Variants in SGK1 observed in about 807,000 individuals in gnomAD.
SGK1 encodes serine/threonine-protein kinase Sgk1.
SGK1 carries 26 observed loss-of-function variants against 64.2 expected under a neutral mutation model. The ratio of observed to expected loss-of-function variants is 0.40; its 90% confidence interval spans 0.30 to 0.56. The LOEUF (loss-of-function observed/expected upper bound fraction) is 0.56, where lower values mean the gene tolerates loss of function less well. Among genes scored for constraint, SGK1 ranks in the 20% least tolerant of loss-of-function variants. The pLI, the probability that SGK1 is intolerant of heterozygous loss-of-function variation, is 0.38. For missense variants in SGK1, 519 were observed against 645.6 expected, an observed-to-expected ratio of 0.80 and a Z score of 2.12; for synonymous variants, 265 against 239.7, an observed-to-expected ratio of 1.11 and a Z score of -0.98.
intron 2 of SGK1, among the ~76,000 whole-genome samples, chr6:134,219,617 G>A (rs999294880): frequency 6.6e-6 from 1 of 151,806 alleles, no homozygotes; most frequent in Non-Finnish European, 1.5e-5. Flanking sequence ...AAAAATAGCC[G>A]GGCGTAGTGG....
At chr6:134,244,624 C>T (rs1343964281) in intron 2 of SGK1, among the ~76,000 whole-genome samples, 3 of 152,142 alleles carry the variant, frequency 2.0e-5, no homozygotes, top group African/African-American at 7.2e-5. Context: ...CCTGCTTCTG[C>T]TCGCCCTCCA....
chr6:134,175,725 A>G (rs1775215107), intron 3 of SGK1: 1 of 1,380,626 alleles, frequency 7.2e-7, no homozygotes, highest in South Asian at 1.5e-5. Context: ...GTTTCCTTGA[A>G]GGAGCCGCCG....
At chr6:134,195,064 A>AT (rs1401679440) in intron 3 of SGK1, among the ~76,000 whole-genome samples, 2 of 152,136 alleles carry the variant, frequency 1.3e-5, no homozygotes, top group Non-Finnish European at 2.9e-5. Context: ...TTTTCCTTGT[A>AT]TTTTTTAAGT....
rs1254181077 is a variant in SGK1, at chr6:134,236,588, C to T, written c.285+25345G>A. 3.3e-5 allele frequency among the ~76,000 whole-genome samples: 5 copies of T among 152,200 alleles called. No homozygotes were observed. In the East Asian group the frequency reaches 9.6e-4, roughly 29 times the overall value. On this transcript the variant is annotated intron_variant, in intron 2 of 13. Transcript: ENST00000367858. Reference sequence around the variant, plus strand: ...GCTGCAAAGAACAACAATCTCCCCACTGCACTCCAGCCTGGATGACAGACC... The same window carrying T: ...GCTGCAAAGAACAACAATCTCCCCATTGCACTCCAGCCTGGATGACAGACC...
chr6:134,184,188 T>C (rs916846060), intron 3 of SGK1, among the ~76,000 whole-genome samples: 1 of 151,934 alleles, frequency 6.6e-6, no homozygotes, highest in Non-Finnish European at 1.5e-5. Flanking sequence ...CTTCTTGTCA[T>C]TCGGATCTCC....
At chr6:134,217,602 T>C (rs1319795408) in intron 2 of SGK1, among the ~76,000 whole-genome samples, 1 of 152,118 alleles carries the variant, frequency 6.6e-6, no homozygotes, top group African/African-American at 2.4e-5. Flanking sequence ...AACATGCCCA[T>C]AGTTTGCAAA....
intron 2 of SGK1, among the ~76,000 whole-genome samples, chr6:134,244,026 A>C (rs1030320534): frequency 6.6e-6 from 1 of 152,112 alleles, no homozygotes; most frequent in African/African-American, 2.4e-5. Context: ...TGTGCAGAAC[A>C]TGCAGGTTTG....
chr6:134,244,033 T>G (rs1484247182), intron 2 of SGK1, among the ~76,000 whole-genome samples: 1 of 152,108 alleles, frequency 6.6e-6, no homozygotes, highest in African/African-American at 2.4e-5. Context: ...AACATGCAGG[T>G]TTGTTACACA....
At chr6:134,240,080 C>T (rs895933037) in intron 2 of SGK1, among the ~76,000 whole-genome samples, 28 of 151,978 alleles carry the variant, frequency 1.8e-4, no homozygotes, top group African/African-American at 6.5e-4. Context: ...TCACTTGAGG[C>T]CAGGAGTTCA....
intron 3 of SGK1, chr6:134,175,633 C>G (rs936697851): frequency 6.5e-7 from 1 of 1,535,458 alleles, no homozygotes; most frequent in Non-Finnish European, 8.8e-7. Flanking sequence ...GAGCCGGGCT[C>G]TGGCCAGCGC....
chr6:134,254,801 C>T (rs2114739763), intron 2 of SGK1, among the ~76,000 whole-genome samples: 1 of 152,246 alleles, frequency 6.6e-6, no homozygotes, highest in South Asian at 2.1e-4. Flanking sequence ...ATGGTATATA[C>T]ATGTTCATCT....
intron 2 of SGK1, among the ~76,000 whole-genome samples, chr6:134,240,005 C>T (rs73562927): frequency 0.16 from 23,876 of 151,974 alleles, 3,145 homozygotes; most frequent in African/African-American, 0.36. Context: ...CAGGAGGGAA[C>T]TGCAGGCCAG....
chr6:134,221,949 G>A (rs552086417), intron 2 of SGK1, among the ~76,000 whole-genome samples: 34 of 152,242 alleles, frequency 2.2e-4, no homozygotes, highest in African/African-American at 5.8e-4. Flanking sequence ...TACCACGCCC[G>A]GCTGGCATTC....
At chr6:134,233,430 C>T (rs190459986) in intron 2 of SGK1, among the ~76,000 whole-genome samples, 1 of 152,292 alleles carries the variant, frequency 6.6e-6, no homozygotes, top group East Asian at 1.9e-4. Flanking sequence ...GTCCCATGAG[C>T]ATCAATCATT....
At chr6:134,196,482 A>G (rs1416895635) in intron 3 of SGK1, among the ~76,000 whole-genome samples, 1 of 151,486 alleles carries the variant, frequency 6.6e-6, no homozygotes, top group Non-Finnish European at 1.5e-5. Flanking sequence ...AATTAAAATA[A>G]TAATAATAAA....
At chr6:134,272,137 C>T (rs9493880) in intron 1 of SGK1, among the ~76,000 whole-genome samples, 28,075 of 128,054 alleles carry the variant, frequency 0.22, 4,893 homozygotes, top group East Asian at 0.4. Context: ...CCACCGTGCC[C>T]AGCCTTTTTT....
chr6:134,176,963 C>A (rs1775249619), intron 3 of SGK1, among the ~76,000 whole-genome samples: 1 of 152,198 alleles, frequency 6.6e-6, no homozygotes, highest in South Asian at 2.1e-4. Flanking sequence ...CGCCTGTAAT[C>A]CCAGCACTTT....
At chr6:134,175,539 C>T in intron 3 of SGK1, 1 of 1,505,652 alleles carries the variant, frequency 6.6e-7, no homozygotes, top group Non-Finnish European at 8.9e-7. Context: ...GGCGGCGGCG[C>T]TTACCCAGTC....
At chr6:134,208,759 T>C (rs75454598) in intron 2 of SGK1, among the ~76,000 whole-genome samples, 2,455 of 72,628 alleles carry the variant, frequency 0.034, 74 homozygotes, top group African/African-American at 0.068. Context: ...TATATATATA[T>C]ACACATATAT....
Sources: allele counts gnomAD v4.1 joint callset (sites outside exome capture counted in the v4.1 genomes callset), GRCh38; gene constraint gnomAD v4.1.1; transcripts MANE v1.5; gene names NCBI Gene and HGNC (gene_info 2026-07-23, HGNC 2026-07-21).